The following LARGE1 variants were observed in gnomAD, a reference collection of about 807,000 sequenced individuals.
LARGE1 encodes xylosyl- and glucuronyltransferase LARGE1.
Under a neutral mutation model 87.6 loss-of-function variants are expected in LARGE1, and 43 were observed. The ratio of observed to expected loss-of-function variants is 0.49; its 90% CI spans 0.38 to 0.63. The LOEUF (loss-of-function observed/expected upper bound fraction) is 0.63. Among genes scored for constraint, LARGE1 ranks in the 30% least tolerant of loss-of-function variants. LARGE1 has a pLI of 0.00. For missense variants in LARGE1, 802 were observed against 1,000.2 expected (o/e 0.80, Z 2.67); for synonymous variants, 434 against 394.6 (o/e 1.10, Z -1.18).
intron 1 of LARGE1, among the ~76,000 whole-genome samples, chr22:33,826,841 T>TA (rs962477137): frequency 2.0e-5 from 3 of 151,944 alleles, no homozygotes; most frequent in Non-Finnish European, 4.4e-5. Flanking sequence ...ACTCATTTTT[T>TA]AAAAAAACAA....
chr22:33,541,001 G>A (rs1340737923), intron 6 of LARGE1, among the ~76,000 whole-genome samples: 2 of 141,354 alleles, frequency 1.4e-5, no homozygotes, highest in Admixed American at 1.5e-4. Context: ...AGCCAGGTGT[G>A]GTGGTGCACA....
At chr22:33,544,206 T>C (rs1196851499) in intron 6 of LARGE1, among the ~76,000 whole-genome samples, 1 of 152,230 alleles carries the variant, frequency 6.6e-6, no homozygotes, top group Non-Finnish European at 1.5e-5. Flanking sequence ...CTTTTTCCTT[T>C]GTGGATTCTG....
chr22:33,571,802 C>G (rs564923681), intron 5 of LARGE1, among the ~76,000 whole-genome samples: 1 of 152,246 alleles, frequency 6.6e-6, no homozygotes, highest in South Asian at 2.1e-4. Context: ...CCTAGATACT[C>G]TACTCTGAAC....
intron 11 of LARGE1, among the ~76,000 whole-genome samples, chr22:33,257,353 T>G (rs116578227): frequency 0.02 from 3,071 of 151,826 alleles, 101 homozygotes; most frequent in African/African-American, 0.069. Flanking sequence ...GGCAACATGG[T>G]GAAATCCCAT....
intron 1 of LARGE1, among the ~76,000 whole-genome samples, chr22:33,783,583 T>C (rs1027656477): frequency 2.0e-5 from 3 of 152,162 alleles, no homozygotes; most frequent in African/African-American, 7.2e-5. Context: ...CAAATTTGTA[T>C]GGAGAGTTAT....
chr22:33,599,622 C>T (rs1220245574), intron 5 of LARGE1, among the ~76,000 whole-genome samples: 3 of 152,168 alleles, frequency 2.0e-5, no homozygotes, highest in East Asian at 1.9e-4. Flanking sequence ...TCCCACAGTT[C>T]GTTTTTAATC....
At chr22:33,878,437 T>C (rs535535718) in intron 1 of LARGE1, among the ~76,000 whole-genome samples, 66 of 152,252 alleles carry the variant, frequency 4.3e-4, no homozygotes, top group South Asian at 8.3e-4. Flanking sequence ...CCAGCTTATA[T>C]TGTATTTCTA....
At chr22:33,099,301 T>A in the LARGE1 span, among the ~76,000 whole-genome samples, 1 of 152,178 alleles carries the variant, frequency 6.6e-6, no homozygotes, top group Non-Finnish European at 1.5e-5. Context: ...TTGCCCAGGC[T>A]GGAGTGCAAT....
At chr22:33,403,677 C>T (rs1326847392) in intron 7 of LARGE1, among the ~76,000 whole-genome samples, 1 of 151,992 alleles carries the variant, frequency 6.6e-6, no homozygotes, top group Non-Finnish European at 1.5e-5. Flanking sequence ...GATCTCGGCT[C>T]ACTGCAACCT....
intron 1 of LARGE1, among the ~76,000 whole-genome samples, chr22:33,846,356 T>C (rs2063429646): frequency 6.6e-6 from 1 of 152,244 alleles, no homozygotes; most frequent in Non-Finnish European, 1.5e-5. Flanking sequence ...ATCAATACCC[T>C]TGTGATTTCT....
At chr22:33,296,321 C>T (rs1437002757) in intron 12 of LARGE1, among the ~76,000 whole-genome samples, 1 of 152,178 alleles carries the variant, frequency 6.6e-6, no homozygotes, top group Non-Finnish European at 1.5e-5. Flanking sequence ...TCTCTGTGAG[C>T]TGGGGACTGT....
the LARGE1 span, among the ~76,000 whole-genome samples, chr22:33,120,386 CT>C: frequency 4.2e-5 from 4 of 94,180 alleles, no homozygotes; most frequent in African/African-American, 2.6e-4. Context: ...TTCTTTCTTT[CT>C]TTCTTTCTTT....
chr22:33,697,660 G>A (rs1340789356), intron 2 of LARGE1, among the ~76,000 whole-genome samples: 1 of 151,152 alleles, frequency 6.6e-6, no homozygotes, highest in African/African-American at 2.4e-5. Context: ...ATTATTGGCA[G>A]AGCTGGGATC....
chr22:33,161,687 A>G (rs1922029557), downstream of LARGE1, among the ~76,000 whole-genome samples: 1 of 152,240 alleles, frequency 6.6e-6, no homozygotes, highest in Non-Finnish European at 1.5e-5. Context: ...CATTGTGGTC[A>G]TGCTGATGCA....
intron 1 of LARGE1, among the ~76,000 whole-genome samples, chr22:33,857,469 AG>A (rs2063787991): frequency 6.6e-6 from 1 of 152,282 alleles, no homozygotes; most frequent in Admixed American, 6.5e-5. Context: ...ACTTGCAGTA[AG>A]TTTTCAAGGA....
intron 2 of LARGE1, among the ~76,000 whole-genome samples, chr22:33,685,839 C>G (rs1299040611): frequency 1.3e-5 from 2 of 152,186 alleles, no homozygotes; most frequent in Non-Finnish European, 2.9e-5. Context: ...AAAGCAAATA[C>G]AGTAGAATGT....
intron 1 of LARGE1, among the ~76,000 whole-genome samples, chr22:33,843,046 T>C (rs1439510882): frequency 2.0e-5 from 3 of 152,184 alleles, no homozygotes; most frequent in African/African-American, 7.2e-5. Context: ...GGCCCTGGAT[T>C]TCCATACTCC....
At chr22:33,195,756 C>CTTTTTTTT (rs71187249) in intron 11 of LARGE1, among the ~76,000 whole-genome samples, 21 of 130,734 alleles carry the variant, frequency 1.6e-4, no homozygotes, top group East Asian at 2.2e-4. Context: ...TTTCTTTTTT[C>CTTTTTTTT]TTTTTTTTTT....
At chr22:33,480,986 G>A (rs999342481) in intron 6 of LARGE1, among the ~76,000 whole-genome samples, 3 of 151,900 alleles carry the variant, frequency 2.0e-5, no homozygotes, top group African/African-American at 7.3e-5. Context: ...GTTTTTGGAA[G>A]TTGCCTATGT....
Sources: gnomAD v4.1 joint callset for allele counts (sites outside exome capture counted in the v4.1 genomes callset) on GRCh38, gnomAD v4.1.1 for gene constraint, MANE v1.5 for transcripts, NCBI Gene and HGNC (gene_info 2026-07-23, HGNC 2026-07-21) for gene names.